The following CDH20 variants were observed in gnomAD, a reference collection of about 807,000 sequenced individuals.
CDH20 encodes the protein cadherin-20.
CDH20 carries 29 observed loss-of-function variants against 74.2 expected under a neutral mutation model. The ratio of observed to expected loss-of-function variants is 0.39; its 90% CI spans 0.29 to 0.53. CDH20 has a LOEUF of 0.53. Ranked by LOEUF, CDH20 falls within the 20% of genes least tolerant of loss-of-function variation. CDH20 has a pLI of 0.69. For missense variants in CDH20, 988 were observed against 1,048.3 expected (o/e 0.94, Z 0.79); for synonymous variants, 469 against 405.4 (o/e 1.16, Z -1.88).
At chr18:61,423,109 C>T (rs1426429975) in intron 1 of CDH20, among the ~76,000 whole-genome samples, 1 of 152,166 alleles carries the variant, frequency 6.6e-6, no homozygotes, top group African/African-American at 2.4e-5. Flanking sequence ...TGGTCCAATG[C>T]GAGAAGAAGA....
At chr18:61,532,300 G>A (rs948206892) in intron 7 of CDH20, among the ~76,000 whole-genome samples, 42 of 152,042 alleles carry the variant, frequency 2.8e-4, no homozygotes, top group Non-Finnish European at 5.9e-5. Flanking sequence ...CATTAAATAG[G>A]GTCACAGGCA....
At chr18:61,401,044 C>T (rs893342004) in intron 1 of CDH20, among the ~76,000 whole-genome samples, 1 of 152,180 alleles carries the variant, frequency 6.6e-6, no homozygotes, top group African/African-American at 2.4e-5. Context: ...CCTGGAATAT[C>T]TCCTACCTCT....
At chr18:61,474,169 G>A (rs927629534) in intron 1 of CDH20, among the ~76,000 whole-genome samples, 2 of 152,150 alleles carry the variant, frequency 1.3e-5, no homozygotes, top group African/African-American at 4.8e-5. Flanking sequence ...ACCGAAAGAA[G>A]GGCAGGAGAT....
At chr18:61,501,449 G>A (rs1484462308) in intron 4 of CDH20, among the ~76,000 whole-genome samples, 1 of 151,990 alleles carries the variant, frequency 6.6e-6, no homozygotes, top group Non-Finnish European at 1.5e-5. Flanking sequence ...AAAAGATATA[G>A]GAAGTATTAT....
intron 6 of CDH20, among the ~76,000 whole-genome samples, chr18:61,520,059 G>A (rs1912140960): frequency 6.6e-6 from 1 of 150,886 alleles, no homozygotes; most frequent in African/African-American, 2.5e-5. Context: ...GCTCACTCCT[G>A]TAATCCCAGC....
intron 6 of CDH20, among the ~76,000 whole-genome samples, chr18:61,517,933 G>A (rs887132363): frequency 2.0e-5 from 3 of 152,136 alleles, no homozygotes; most frequent in Non-Finnish European, 4.4e-5. Flanking sequence ...GCTTGGTGGA[G>A]GGAGGGGGGT....
intron 1 of CDH20, among the ~76,000 whole-genome samples, chr18:61,365,482 A>G (rs1910826729): frequency 6.6e-6 from 1 of 152,204 alleles, no homozygotes; most frequent in Non-Finnish European, 1.5e-5. Context: ...CTTGGCATAG[A>G]AATGGGTTTC....
intron 1 of CDH20, among the ~76,000 whole-genome samples, chr18:61,397,814 G>C (rs1912033576): frequency 6.6e-6 from 1 of 152,154 alleles, no homozygotes; most frequent in Admixed American, 6.6e-5. Context: ...ACACCTCATA[G>C]AGTAATTATG....
intron 1 of CDH20, among the ~76,000 whole-genome samples, chr18:61,458,250 G>C (rs1001476928): frequency 1.3e-5 from 2 of 152,096 alleles, no homozygotes; most frequent in African/African-American, 4.8e-5. Flanking sequence ...TTCTATTTCA[G>C]AATAGGGTCT....
In CDH20 at chr18:61,555,676, A is replaced by AT; in HGVS notation, c.*982dup. On this transcript the variant is annotated 3_prime_UTR_variant, in exon 12 of 12. Transcript: ENST00000262717. The stretch of plus-strand genomic sequence containing the variant: ...GAATAAATGGATGTAAGAAAATTAC[A>AT]TGTACAAGTTTTGTATATTTGTTAA... The AT allele has an allele frequency of 1.0e-6, 1 of 973,604 alleles. No homozygotes were observed. Among genetic ancestry groups the AT allele is most frequent in the Non-Finnish European group, 1.2e-6 (1 of 819,086 alleles). 60.3% of individuals were successfully genotyped at this position (973,604 alleles called of 1,614,324 possible). A position where few individuals can be genotyped will look rare whatever the true frequency, so the allele number is the denominator to read the frequency against.
intron 1 of CDH20, among the ~76,000 whole-genome samples, chr18:61,464,078 TAC>T (rs1451597232): frequency 6.6e-6 from 1 of 152,190 alleles, no homozygotes; most frequent in Non-Finnish European, 1.5e-5. Flanking sequence ...TAACACCAGC[TAC>T]AGTGTTTATG....
At chr18:61,438,616 GA>G (rs1908916307) in intron 1 of CDH20, among the ~76,000 whole-genome samples, 3 of 152,250 alleles carry the variant, frequency 2.0e-5, no homozygotes, top group Admixed American at 2.0e-4. Context: ...AGATGCTGGT[GA>G]GGCTATGGAG....
intron 1 of CDH20, among the ~76,000 whole-genome samples, chr18:61,461,657 C>T (rs993659802): frequency 3.3e-5 from 5 of 152,030 alleles, no homozygotes; most frequent in East Asian, 1.9e-4. Flanking sequence ...ACAAACAAAG[C>T]GAGGAAAGAA....
intron 1 of CDH20, among the ~76,000 whole-genome samples, chr18:61,463,596 T>TGG (rs1017452056): frequency 1.3e-5 from 2 of 152,112 alleles, no homozygotes; most frequent in African/African-American, 2.4e-5. Flanking sequence ...CTCTTCTCTT[T>TGG]GGGAGGCTGT....
At chr18:61,403,996 A>C (rs1334925538) in intron 1 of CDH20, among the ~76,000 whole-genome samples, 1 of 152,110 alleles carries the variant, frequency 6.6e-6, no homozygotes, top group Non-Finnish European at 1.5e-5. Context: ...AAACCAAACA[A>C]CACATGTTCT....
At chr18:61,445,205 T>C (rs1030440769) in intron 1 of CDH20, among the ~76,000 whole-genome samples, 7 of 151,980 alleles carry the variant, frequency 4.6e-5, no homozygotes, top group African/African-American at 1.7e-4. Context: ...TATCTACTAT[T>C]TATTTAGTGC....
intron 1 of CDH20, among the ~76,000 whole-genome samples, chr18:61,461,832 T>G (rs1197426161): frequency 1.3e-5 from 2 of 152,092 alleles, no homozygotes; most frequent in Non-Finnish European, 2.9e-5. Context: ...GCAAATGAAG[T>G]AGTGGCCCTC....
At chr18:61,532,274 G>C (rs1272375021) in intron 7 of CDH20, among the ~76,000 whole-genome samples, 2 of 152,098 alleles carry the variant, frequency 1.3e-5, no homozygotes, top group Non-Finnish European at 2.9e-5. Flanking sequence ...GCAGTGCCTG[G>C]CTTACAGTGA....
At chr18:61,452,197 G>A (rs941504474) in intron 1 of CDH20, among the ~76,000 whole-genome samples, 3 of 151,964 alleles carry the variant, frequency 2.0e-5, no homozygotes, top group South Asian at 4.2e-4. Context: ...ATCTATGTCC[G>A]ATTCATTTCC....
Sources: gnomAD v4.1 joint callset for allele counts (sites outside exome capture counted in the v4.1 genomes callset) on GRCh38, gnomAD v4.1.1 for gene constraint, MANE v1.5 for transcripts, NCBI Gene and HGNC (gene_info 2026-07-23, HGNC 2026-07-21) for gene names.